CCDC18: variants seen among roughly 807,000 people sequenced by gnomAD.
CCDC18 encodes the protein coiled-coil domain containing 18, also known as coiled-coil domain-containing protein 18.
A neutral mutation model predicts 196.0 loss-of-function variants in CCDC18; 157 were observed. The ratio of observed to expected loss-of-function variants is 0.80; its 90% CI spans 0.70 to 0.91. The LOEUF is 0.91. CCDC18 is among the 40% of genes least tolerant of loss of function. The pLI is 0.00. For missense variants in CCDC18, 1,465 were observed against 1,611.6 expected, an observed-to-expected ratio of 0.91 and a Z score of 1.56; for synonymous variants, 482 against 529.2, an observed-to-expected ratio of 0.91 and a Z score of 1.22.
chr1:93,222,443 G>C (rs1657591605), intron 16 of CCDC18, among the ~76,000 whole-genome samples: 1 of 152,122 alleles, frequency 6.6e-6, no homozygotes. Flanking sequence ...ACCAGAGGAA[G>C]TGGAGGAAGA....
intron 12 of CCDC18, 66 bp downstream of exon 12, chr1:93,215,032 G>A: frequency 9.6e-7 from 1 of 1,039,744 alleles, no homozygotes; most frequent in Non-Finnish European, 1.4e-6. Context: ...ATTATTTTAG[G>A]GTTTTATAAA....
At chr1:93,246,506 T>C (rs1661517052) in intron 22 of CCDC18, among the ~76,000 whole-genome samples, 1 of 152,158 alleles carries the variant, frequency 6.6e-6, no homozygotes, top group Admixed American at 6.5e-5. Flanking sequence ...TTTAGCACTT[T>C]TTGTCCAGCA....
chr1:93,217,834 G>A lies in CCDC18; in HGVS notation c.1927G>A (p.Glu643Lys). 3.1e-6 allele frequency: 5 copies of A among 1,612,502 alleles called. No individual in the cohort carries two copies. The highest frequency in any genetic ancestry group is 4.2e-6 in the Non-Finnish European group (5 of 1,178,740). Residue 643 changes from glutamate to lysine, a missense_variant, in exon 14 of 29, where the codon GAA becomes AAA. Transcript: ENST00000690025. ...TGAAAAAGCAAAGAAAATTCACTTG[G>A]AACAGCATAAAGAAATGGAAAAGCA... ...AFEKAKKIHL[E>K]QHKEMEKQIE... is the part of the protein sequence containing the mutation.
At chr1:93,208,515 T>G (rs1655090249) in intron 9 of CCDC18, among the ~76,000 whole-genome samples, 6 of 151,986 alleles carry the variant, frequency 3.9e-5, no homozygotes, top group Admixed American at 3.9e-4. Context: ...CAAACGGGTC[T>G]CGAACTCCTG....
intron 16 of CCDC18, among the ~76,000 whole-genome samples, chr1:93,224,418 C>T (rs1657969841): frequency 1.3e-5 from 2 of 152,202 alleles, no homozygotes; most frequent in African/African-American, 4.8e-5. Context: ...TCAACATTGT[C>T]CGTACTAAAA....
chr1:93,218,877 A>G (rs531747594), intron 14 of CCDC18, among the ~76,000 whole-genome samples: 1 of 152,268 alleles, frequency 6.6e-6, no homozygotes, highest in South Asian at 2.1e-4. Flanking sequence ...TTTCGCTGCA[A>G]TTGAAGTCTT....
At chr1:93,226,562 C>T (rs888991415) in intron 17 of CCDC18, 113 bp downstream of exon 17, 1 of 330,822 alleles carries the variant, frequency 3.0e-6, no homozygotes. Flanking sequence ...GAGACAGCGT[C>T]TCCCCATGTT....
At position 93,232,611 on chromosome 1, in the gene CCDC18, A is replaced by T; in HGVS notation, c.2460+18A>T. ...AAAAACAGGTATATATTATTAGCCC[A>T]AGATTGTTTTATTTGTATGAAATAG... On this transcript the variant is annotated intron_variant, in intron 18 of 28. Transcript: ENST00000690025. The T allele has an allele frequency of 6.6e-7, 1 of 1,510,722 alleles. No homozygotes were observed. The highest frequency in any genetic ancestry group is 9.0e-7 in the Non-Finnish European group (1 of 1,111,664). 93.6% of individuals were successfully genotyped at this position (1,510,722 alleles called of 1,614,324 possible). A position where few individuals can be genotyped will look rare whatever the true frequency, so the allele number is the denominator to read the frequency against.
intron 17 of CCDC18, among the ~76,000 whole-genome samples, chr1:93,227,971 A>AT (rs1553175508): frequency 0.012 from 1,528 of 125,254 alleles, 21 homozygotes; most frequent in Admixed American, 0.035. Context: ...AAAAAAAAAA[A>AT]ATATATATAT....
intron 19 of CCDC18, among the ~76,000 whole-genome samples, chr1:93,238,706 G>A (rs372813921): frequency 3.3e-5 from 5 of 152,102 alleles, no homozygotes; most frequent in South Asian, 2.1e-4. Flanking sequence ...GGGAGCTGCC[G>A]TATTAGAATA....
intron 22 of CCDC18, among the ~76,000 whole-genome samples, chr1:93,246,514 G>T (rs1225016885): frequency 6.6e-6 from 1 of 152,072 alleles, no homozygotes; most frequent in East Asian, 1.9e-4. Context: ...TTTTTGTCCA[G>T]CATAAAATGA....
At chr1:93,236,470 TG>T in intron 19 of CCDC18, 80 bp downstream of exon 19, 1 of 1,345,558 alleles carries the variant, frequency 7.4e-7, no homozygotes, top group Non-Finnish European at 1.0e-6. Context: ...TAATGTTCAG[TG>T]GAGCATTTGC....
intron 9 of CCDC18, among the ~76,000 whole-genome samples, chr1:93,208,740 C>T (rs1655130969): frequency 6.6e-6 from 1 of 152,092 alleles, no homozygotes; most frequent in African/African-American, 2.4e-5. Flanking sequence ...CATCTTGGCT[C>T]ATCGCAACCT....
chr1:93,256,508 G>C lies in CCDC18; in HGVS notation c.3516G>C (p.Leu1172=). ...AAATAGAAAGGCTCTCTAGTGAACTGGAGGATATGAAGCAACTCTCTAAAG... is the reference window on the plus strand; with the variant it reads ...AAATAGAAAGGCTCTCTAGTGAACTCGAGGATATGAAGCAACTCTCTAAAG... ...QREIERLSSE[L]EDMKQLSKEK... is the part of the protein sequence containing the mutation. The change falls in exon 25 of 29, where the codon CTG becomes CTC. Residue 1172 remains leucine (L), a synonymous_variant. Coordinates refer to ENST00000690025, the MANE Select transcript of CCDC18 (RefSeq NM_001378204.1). 1 of 1,613,794 alleles carries C rather than the reference G, an allele frequency of 6.2e-7. No homozygotes were observed. The highest frequency in any genetic ancestry group is 8.5e-7 in the Non-Finnish European group (1 of 1,179,780).
At chr1:93,204,669 G>A (rs1434700748) in intron 7 of CCDC18, among the ~76,000 whole-genome samples, 1 of 152,032 alleles carries the variant, frequency 6.6e-6, no homozygotes, top group Admixed American at 6.6e-5. Context: ...ATTACAAAGT[G>A]GTCATTCCTT....
chr1:93,242,797 G>A (rs1003217979), intron 21 of CCDC18, among the ~76,000 whole-genome samples: 3 of 152,196 alleles, frequency 2.0e-5, no homozygotes, highest in Non-Finnish European at 2.9e-5. Context: ...CCCCATGCAA[G>A]TCTGAAATTC....
At chr1:93,203,150 A>G (rs1487584640) in intron 7 of CCDC18, among the ~76,000 whole-genome samples, 4 of 152,188 alleles carry the variant, frequency 2.6e-5, no homozygotes, top group Admixed American at 6.5e-5. Context: ...GTAGGTAGCT[A>G]TGAGGGATGT....
intron 6 of CCDC18, among the ~76,000 whole-genome samples, chr1:93,196,913 T>TTACTGGTGTTCATTGACC (rs926859121): frequency 6.6e-6 from 1 of 152,220 alleles, no homozygotes; most frequent in Non-Finnish European, 1.5e-5. Flanking sequence ...AAAACCAGGC[T>TTACTGGTGTTCATTGACC]TACTGGTGTT....
At position 93,214,864 on chromosome 1, in the gene CCDC18, T is replaced by C; in HGVS notation, c.1617T>C (p.Asn539=). 1 of 1,613,642 alleles carries C rather than the reference T, an allele frequency of 6.2e-7. No homozygotes were observed. The highest frequency in any genetic ancestry group is 8.5e-7 in the Non-Finnish European group (1 of 1,179,714). The change falls in exon 12 of 29, where the codon AAT becomes AAC. Residue 539 remains asparagine, a synonymous_variant. Coordinates refer to ENST00000690025, the MANE Select transcript of CCDC18 (RefSeq NM_001378204.1). ...RTKLIQIEAE[N]SDLKVNMAHR... is the part of the protein sequence containing the mutation. Reference sequence around the variant, plus strand: ...AGCTGATACAAATAGAAGCTGAAAATTCTGATTTGAAGGTTAACATGGCTC... The same window carrying C: ...AGCTGATACAAATAGAAGCTGAAAACTCTGATTTGAAGGTTAACATGGCTC...
Sources: gnomAD v4.1 joint callset for allele counts (sites outside exome capture counted in the v4.1 genomes callset) on GRCh38, gnomAD v4.1.1 for gene constraint, MANE v1.5 for transcripts, NCBI Gene and HGNC (gene_info 2026-07-23, HGNC 2026-07-21) for gene names.